Variants in CDH4 observed in about 807,000 individuals in gnomAD.
CDH4 encodes the protein cadherin-4.
In CDH4, 33 loss-of-function variants were observed where a neutral mutation model predicts 86.0. That is an observed-to-expected ratio of 0.38 (90% CI 0.29 to 0.51). The LOEUF (loss-of-function observed/expected upper bound fraction) is 0.51. Among genes scored for constraint, CDH4 ranks in the 20% least tolerant of loss-of-function variants. CDH4 has a pLI of 0.86. For synonymous variants in CDH4, 555 were observed against 549.4 expected (o/e 1.01, Z -0.14); for missense variants, 1,114 against 1,307.4 (o/e 0.85, Z 2.28).
chr20:61,301,168 G>A (rs1271194732), intron 2 of CDH4, among the ~76,000 whole-genome samples: 5 of 152,266 alleles, frequency 3.3e-5, no homozygotes, highest in Non-Finnish European at 7.3e-5. Flanking sequence ...GCTCGGTTTA[G>A]CAAGGTGGTT....
At chr20:61,487,249 C>T (rs563011509) in intron 2 of CDH4, among the ~76,000 whole-genome samples, 1 of 152,120 alleles carries the variant, frequency 6.6e-6, no homozygotes, top group East Asian at 1.9e-4. Flanking sequence ...ATCAGTTGAC[C>T]GTAGTTATGT....
At chr20:61,652,938 A>ATTTTTATTTTTTTT (rs2087138479) in intron 2 of CDH4, among the ~76,000 whole-genome samples, 1 of 97,402 alleles carries the variant, frequency 1.0e-5, no homozygotes, top group African/African-American at 3.4e-5. Context: ...TTATTTATTT[A>ATTTTTATTTTTTTT]TTTTTTTTTT....
intron 2 of CDH4, among the ~76,000 whole-genome samples, chr20:61,601,407 G>C (rs2086599474): frequency 1.3e-5 from 2 of 152,108 alleles, no homozygotes; most frequent in Non-Finnish European, 2.9e-5. Flanking sequence ...GTGTCCCCTG[G>C]CTTCCCTCCT....
intron 4 of CDH4, among the ~76,000 whole-genome samples, chr20:61,800,272 G>A (rs893200691): frequency 1.2e-4 from 19 of 152,168 alleles, no homozygotes; most frequent in South Asian, 2.1e-4. Flanking sequence ...GAAGCTGCCC[G>A]GCCGCCAGGG....
chr20:61,788,132 A>G (rs911242799), intron 4 of CDH4, among the ~76,000 whole-genome samples: 1 of 152,242 alleles, frequency 6.6e-6, no homozygotes, highest in Non-Finnish European at 1.5e-5. Flanking sequence ...CCAGAAGGCC[A>G]GGGGTGTTGT....
At chr20:61,257,048 GGAA>G (rs2084102498) in intron 2 of CDH4, among the ~76,000 whole-genome samples, 1 of 152,214 alleles carries the variant, frequency 6.6e-6, no homozygotes, top group African/African-American at 2.4e-5. Context: ...AGAGGAAACA[GGAA>G]GTGTGGTGTT....
intron 2 of CDH4, among the ~76,000 whole-genome samples, chr20:61,477,868 A>G (rs1245075674): frequency 1.3e-5 from 2 of 152,190 alleles, no homozygotes; most frequent in Non-Finnish European, 2.9e-5. Flanking sequence ...TAGTGTTCTC[A>G]AGCAGAACCT....
intron 2 of CDH4, among the ~76,000 whole-genome samples, chr20:61,669,682 T>C (rs534862360): frequency 9.8e-5 from 15 of 152,322 alleles, no homozygotes; most frequent in African/African-American, 3.6e-4. Flanking sequence ...CAGAGTGATC[T>C]TTTTCTTTAA....
chr20:61,923,599 C>T lies in CDH4; in HGVS notation c.1523C>T (p.Pro508Leu), dbSNP rs762200637. The T allele has an allele frequency of 2.5e-5, 40 of 1,614,176 alleles. No individual in the cohort carries two copies. The highest frequency in any genetic ancestry group is 3.1e-5 in the Non-Finnish European group (37 of 1,180,026). ...GACATCAACGAGGCTCCCTACTTCCCCTCAAACCACAAGCTGATCCGCCTG... is the reference window on the plus strand; with the variant it reads ...GACATCAACGAGGCTCCCTACTTCCTCTCAAACCACAAGCTGATCCGCCTG... The part of the protein sequence containing the change: ...IMDINEAPYF[P>L]SNHKLIRLEE... The change falls in exon 10 of 16, where the codon CCC (proline) becomes CTC (leucine). Residue 508 changes from proline (P) to leucine (L), a missense_variant. Physicochemically the swap from Pro to Leu is moderately conservative, Grantham distance 98 (BLOSUM62 -3). Coordinates refer to ENST00000614565, the MANE Select transcript of CDH4 (RefSeq NM_001794.5).
At chr20:61,875,186 C>T (rs1983966411) in intron 7 of CDH4, among the ~76,000 whole-genome samples, 1 of 152,212 alleles carries the variant, frequency 6.6e-6, no homozygotes, top group Admixed American at 6.5e-5. Flanking sequence ...GTCTTCATCC[C>T]CGCCTTTCAA....
intron 2 of CDH4, among the ~76,000 whole-genome samples, chr20:61,350,325 GCGT>G (rs1309665444): frequency 1.8e-4 from 10 of 55,678 alleles, no homozygotes; most frequent in Non-Finnish European, 2.2e-4. Flanking sequence ...CTCCCACCCA[GCGT>G]CAGGCAGACA....
At chr20:61,912,204 G>A (rs528016429) in intron 9 of CDH4, among the ~76,000 whole-genome samples, 10 of 152,124 alleles carry the variant, frequency 6.6e-5, no homozygotes, top group Admixed American at 2.0e-4. Context: ...ACATCTTCTG[G>A]GGCAGAGTTT....
At chr20:61,411,762 G>A (rs931359661) in intron 2 of CDH4, among the ~76,000 whole-genome samples, 5 of 152,202 alleles carry the variant, frequency 3.3e-5, no homozygotes, top group Middle Eastern at 3.2e-3. Flanking sequence ...GTGTGTCTGG[G>A]CAGGGATATG....
In CDH4 at chr20:61,266,230, T is replaced by C. The variant is rs543372911; in HGVS notation, c.169+11293T>C. On this transcript the variant is annotated intron_variant, in intron 2 of 15. Coordinates refer to ENST00000614565, the MANE Select transcript of CDH4 (RefSeq NM_001794.5). The stretch of plus-strand genomic sequence containing the variant: ...CGCAGGTGTTGAGAGGTGTGCTTTC[T>C]CCTGGAATGGGTGCATTTTCCATAT... 2.6e-5 allele frequency among the ~76,000 whole-genome samples: 4 copies of C among 152,158 alleles called. No individual in the cohort carries two copies. The South Asian group carries it at 6.2e-4, about 24-fold the overall frequency.
chr20:61,381,129 C>A (rs1477490634), intron 2 of CDH4, among the ~76,000 whole-genome samples: 1 of 152,154 alleles, frequency 6.6e-6, no homozygotes, highest in South Asian at 2.1e-4. Flanking sequence ...GCTCCCCTAG[C>A]CTGTATGGAG....
At chr20:61,355,175 C>T (rs1258567721) in intron 2 of CDH4, among the ~76,000 whole-genome samples, 1 of 152,112 alleles carries the variant, frequency 6.6e-6, no homozygotes, top group Non-Finnish European at 1.5e-5. Flanking sequence ...CATTTCCAGG[C>T]AATAAACACT....
intron 2 of CDH4, among the ~76,000 whole-genome samples, chr20:61,389,671 G>T (rs1198581567): frequency 6.6e-6 from 1 of 152,164 alleles, no homozygotes; most frequent in Non-Finnish European, 1.5e-5. Context: ...ATGTCTGGAG[G>T]CATTTTTCGT....
At chr20:61,530,321 C>T (rs1415330778) in intron 2 of CDH4, among the ~76,000 whole-genome samples, 6 of 152,156 alleles carry the variant, frequency 3.9e-5, no homozygotes, top group South Asian at 2.1e-4. Flanking sequence ...TGAGCCACTG[C>T]GCCCGGCCAG....
At chr20:61,331,647 C>CCCCGGCCACCTGTCCCAGGCCCACCTCCT (rs200730495) in intron 2 of CDH4, among the ~76,000 whole-genome samples, 6 of 37,954 alleles carry the variant, frequency 1.6e-4, no homozygotes, top group African/African-American at 6.3e-4. Flanking sequence ...ACCCACCTCC[C>CCCCGGCCACCTGTCCCAGGCCCACCTCCT]GCCCCAGCCA....
Sources: allele counts gnomAD v4.1 joint callset (sites outside exome capture counted in the v4.1 genomes callset), GRCh38; gene constraint gnomAD v4.1.1; transcripts MANE v1.5; gene names NCBI Gene and HGNC (gene_info 2026-07-23, HGNC 2026-07-21).